Variants in KLRG1 observed in about 807,000 individuals in gnomAD.
KLRG1 encodes the protein killer cell lectin-like receptor subfamily G member 1.
Under a neutral mutation model 21.8 loss-of-function variants are expected in KLRG1, and 16 were observed. That is an observed-to-expected ratio of 0.73 (90% CI 0.50 to 1.11). The LOEUF is 1.11. Among genes scored for constraint, KLRG1 ranks in the 50% most tolerant of loss-of-function variants. The probability of loss-of-function intolerance (pLI) is 0.00; values close to 1 mark genes in which losing one functional copy is unlikely to be tolerated. For missense variants in KLRG1, 173 were observed against 218.3 expected (o/e 0.79, Z 1.31); for synonymous variants, 69 against 75.9 (o/e 0.91, Z 0.47).
chr12:8,994,315 C>T (rs957140400), intron 2 of KLRG1, among the ~76,000 whole-genome samples: 3 of 152,158 alleles, frequency 2.0e-5, no homozygotes, highest in Non-Finnish European at 4.4e-5. Flanking sequence ...AGCCACCTGC[C>T]TCGGCCTCCC....
downstream of KLRG1, among the ~76,000 whole-genome samples, chr12:9,013,602 G>C (rs1460417444): frequency 6.6e-6 from 1 of 152,172 alleles, no homozygotes; most frequent in Non-Finnish European, 1.5e-5. Context: ...TATGGTAGAA[G>C]GTGAAAGGCA....
the KLRG1 span, chr12:9,152,393 TG>T: frequency 1.0e-6 from 1 of 1,001,802 alleles, no homozygotes; most frequent in Non-Finnish European, 1.6e-6. Context: ...ACTTTAAGCC[TG>T]TCTGTCTTCA....
the KLRG1 span, chr12:9,162,591 T>C: frequency 6.4e-7 from 1 of 1,572,400 alleles, no homozygotes; most frequent in South Asian, 1.1e-5. Context: ...GAAGATGGAC[T>C]CTTACCTGAG....
the KLRG1 span, among the ~76,000 whole-genome samples, chr12:9,039,853 T>C: frequency 1.3e-5 from 2 of 152,268 alleles, no homozygotes; most frequent in Non-Finnish European, 2.9e-5. Context: ...ATTCCCTTTG[T>C]TACTGTACAT....
At chr12:9,044,236 C>A in the KLRG1 span, among the ~76,000 whole-genome samples, 27 of 151,990 alleles carry the variant, frequency 1.8e-4, no homozygotes, top group South Asian at 3.1e-3. Context: ...AAAAAAGAAA[C>A]GCATGCAAAT....
chr12:9,158,369 G>A, the KLRG1 span: 5 of 1,601,100 alleles, frequency 3.1e-6, no homozygotes, highest in East Asian at 1.1e-4. Flanking sequence ...TCACCCCTGG[G>A]GGATGTTATG....
At chr12:9,117,021 T>G in the KLRG1 span, among the ~76,000 whole-genome samples, 6 of 151,992 alleles carry the variant, frequency 3.9e-5, no homozygotes, top group Non-Finnish European at 7.4e-5. Context: ...TTAAAAAAAT[T>G]TTGAGGGAAA....
At chr12:9,204,993 AG>A in the KLRG1 span, among the ~76,000 whole-genome samples, 25 of 152,220 alleles carry the variant, frequency 1.6e-4, no homozygotes, top group African/African-American at 6.0e-4. Context: ...GTTACTCAGG[AG>A]GCTGAGGCAA....
At chr12:9,202,475 C>G in the KLRG1 span, 13 of 1,612,400 alleles carry the variant, frequency 8.1e-6, no homozygotes, top group African/African-American at 1.6e-4. Context: ...TTTGGCTGTT[C>G]AGGTGGCCCT....
chr12:9,025,289 C>T, the KLRG1 span, among the ~76,000 whole-genome samples: 1 of 152,120 alleles, frequency 6.6e-6, no homozygotes, highest in South Asian at 2.1e-4. Context: ...AAGACAGTAA[C>T]ACATTTTGTA....
chr12:9,052,720 T>A, the KLRG1 span: 1 of 402,474 alleles, frequency 2.5e-6, no homozygotes, highest in Non-Finnish European at 4.9e-6. Context: ...AAATCTTGCC[T>A]CATTTTTCAC....
chr12:9,203,932 G>C, the KLRG1 span: 2 of 1,613,244 alleles, frequency 1.2e-6, no homozygotes, highest in Admixed American at 3.3e-5. Context: ...AGCAGGGAGG[G>C]GACCAGCACC....
At chr12:8,992,172 G>T (rs754098257) in intron 1 of KLRG1, 34 bp from the exon 2 acceptor site, 2 of 1,542,550 alleles carry the variant, frequency 1.3e-6, no homozygotes, top group South Asian at 2.3e-5. Context: ...CCTGTCATCT[G>T]ACTCAGGATT....
the KLRG1 span, chr12:9,106,124 TGG>T: frequency 5.0e-6 from 3 of 601,152 alleles, no homozygotes. Context: ...TTTATACTTT[TGG>T]TTATATTAAA....
At position 9,006,179 on chromosome 12, in the gene KLRG1, G is replaced by A. The variant is rs143082826; in HGVS notation, c.358-2796G>A. ...TCATTACACATTGCATACATGTTAC[G>A]TGTGCTTTCATTTTCTTCGGAAGAG... On this transcript the variant is annotated intron_variant, in intron 3 of 4. Coordinates refer to ENST00000356986, the MANE Select transcript of KLRG1 (RefSeq NM_005810.4). Among the ~76,000 whole-genome samples, 15 of 152,304 alleles carry A rather than the reference G, an allele frequency of 9.8e-5. No homozygotes were observed. The East Asian group carries it at 1.2e-3, about 12-fold the overall frequency.
At chr12:9,109,879 C>T in the KLRG1 span, 239 of 1,599,206 alleles carry the variant, frequency 1.5e-4, no homozygotes, top group Non-Finnish European at 1.9e-4. Flanking sequence ...AATTCCTCCA[C>T]GGTGAAAGGG....
At chr12:9,208,391 G>T in the KLRG1 span, 2 of 1,479,352 alleles carry the variant, frequency 1.4e-6, no homozygotes, top group Non-Finnish European at 1.9e-6. Flanking sequence ...CCTCAGCCTC[G>T]CCCTGGAGAC....
At chr12:9,038,163 A>G in the KLRG1 span, among the ~76,000 whole-genome samples, 2 of 152,210 alleles carry the variant, frequency 1.3e-5, no homozygotes, top group Non-Finnish European at 2.9e-5. Context: ...CAGGAGGCTG[A>G]GGCTGGAGAC....
the KLRG1 span, among the ~76,000 whole-genome samples, chr12:9,184,314 A>G: frequency 6.6e-6 from 1 of 152,112 alleles, no homozygotes; most frequent in Non-Finnish European, 1.5e-5. Context: ...GGCACAAAAC[A>G]CACAAACCCA....
Sources: allele counts gnomAD v4.1 joint callset (sites outside exome capture counted in the v4.1 genomes callset), GRCh38; gene constraint gnomAD v4.1.1; transcripts MANE v1.5; gene names NCBI Gene and HGNC (gene_info 2026-07-23, HGNC 2026-07-21).